The following CEP128 variants were observed in gnomAD, a reference collection of about 807,000 sequenced individuals.
CEP128 encodes the protein centrosomal protein 128, also known as centrosomal protein 128kDa.
Under a neutral mutation model 156.7 loss-of-function variants are expected in CEP128, and 132 were observed. The observed-to-expected ratio is 0.84, with a 90% CI of 0.73 to 0.97. The LOEUF (loss-of-function observed/expected upper bound fraction) is 0.97, where lower values mean the gene tolerates loss of function less well. CEP128 is among the 50% of genes least tolerant of loss of function. The pLI, the probability that CEP128 is intolerant of heterozygous loss-of-function variation, is 0.00. For missense variants in CEP128, 1,252 were observed against 1,281.9 expected, an observed-to-expected ratio of 0.98 and a Z score of 0.36; for synonymous variants, 469 against 448.9, an observed-to-expected ratio of 1.04 and a Z score of -0.57.
At chr14:80,936,256 C>A (rs907597645) in intron 2 of CEP128, among the ~76,000 whole-genome samples, 1 of 152,152 alleles carries the variant, frequency 6.6e-6, no homozygotes, top group Non-Finnish European at 1.5e-5. Context: ...GTGGCTCAGG[C>A]CTGCAATCAC....
chr14:80,531,014 A>C, intron 21 of CEP128, 128 bp from the exon 22 acceptor site: 1 of 445,704 alleles, frequency 2.2e-6, no homozygotes, highest in South Asian at 6.0e-5. Context: ...ACAGTCAAAT[A>C]AGAACATATA....
chr14:80,618,441 A>T (rs1473317585), intron 19 of CEP128, among the ~76,000 whole-genome samples: 1 of 152,264 alleles, frequency 6.6e-6, no homozygotes, highest in Non-Finnish European at 1.5e-5. Flanking sequence ...TAGCTACGCT[A>T]GAAGCCTTCT....
At chr14:80,772,595 G>A (rs753430412) in intron 16 of CEP128, among the ~76,000 whole-genome samples, 8 of 152,292 alleles carry the variant, frequency 5.3e-5, no homozygotes, top group East Asian at 1.9e-4. Context: ...AGATGGCAAG[G>A]CTAAAAGAGT....
intron 8 of CEP128, among the ~76,000 whole-genome samples, chr14:80,866,257 C>T (rs1394530067): frequency 6.6e-6 from 1 of 152,096 alleles, no homozygotes; most frequent in African/African-American, 2.4e-5. Context: ...CTAGTCTCAC[C>T]ACAGTGCCAG....
At chr14:80,589,258 C>T (rs1256506736) in intron 19 of CEP128, among the ~76,000 whole-genome samples, 1 of 152,046 alleles carries the variant, frequency 6.6e-6, no homozygotes, top group East Asian at 1.9e-4. Context: ...TCATTCCTGA[C>T]CTCCAGAGGT....
At chr14:80,683,207 C>T (rs1034092112) in intron 19 of CEP128, among the ~76,000 whole-genome samples, 5 of 152,126 alleles carry the variant, frequency 3.3e-5, no homozygotes, top group African/African-American at 9.7e-5. Context: ...CATCCATCTG[C>T]TCTTTTCAAC....
intron 14 of CEP128, among the ~76,000 whole-genome samples, chr14:80,788,065 T>C (rs1901505100): frequency 6.6e-6 from 1 of 152,130 alleles, no homozygotes; most frequent in African/African-American, 2.4e-5. Context: ...TCTTTGGCAA[T>C]ACAGATACTA....
At chr14:80,898,767 G>C (rs1171367340) in intron 7 of CEP128, among the ~76,000 whole-genome samples, 1 of 152,064 alleles carries the variant, frequency 6.6e-6, no homozygotes, top group African/African-American at 2.4e-5. Context: ...AATTAACTAA[G>C]TCTTACCAGT....
intron 24 of CEP128, among the ~76,000 whole-genome samples, chr14:80,499,597 A>G (rs1187459171): frequency 1.3e-5 from 2 of 152,200 alleles, no homozygotes; most frequent in African/African-American, 4.8e-5. Flanking sequence ...ATTTACAGGA[A>G]ATTTACAATC....
chr14:80,688,870 C>T (rs1896613995), intron 19 of CEP128, among the ~76,000 whole-genome samples: 1 of 152,110 alleles, frequency 6.6e-6, no homozygotes, highest in African/African-American at 2.4e-5. Flanking sequence ...CATTCCCTTA[C>T]CATCAAGTCT....
At chr14:80,851,643 A>G (rs1019986953) in intron 9 of CEP128, among the ~76,000 whole-genome samples, 2 of 152,018 alleles carry the variant, frequency 1.3e-5, no homozygotes, top group African/African-American at 4.8e-5. Flanking sequence ...AAACAAAAAG[A>G]GAAGTTAAAA....
intron 19 of CEP128, among the ~76,000 whole-genome samples, chr14:80,741,090 C>T (rs1325525813): frequency 3.3e-5 from 5 of 152,104 alleles, no homozygotes; most frequent in Non-Finnish European, 5.9e-5. Flanking sequence ...ACTACAACCA[C>T]CCAGTGCCTG....
chr14:80,892,701 A>G (rs1889158710), intron 8 of CEP128, among the ~76,000 whole-genome samples: 1 of 123,914 alleles, frequency 8.1e-6, no homozygotes, highest in Non-Finnish European at 1.8e-5. Flanking sequence ...ACTCAATAGT[A>G]GAAAAACAAA....
At chr14:80,889,999 T>C (rs371274426) in intron 8 of CEP128, among the ~76,000 whole-genome samples, 2 of 152,098 alleles carry the variant, frequency 1.3e-5, no homozygotes, top group African/African-American at 4.8e-5. Flanking sequence ...AAAGAAGGCA[T>C]TTATGTGGTC....
intron 16 of CEP128, among the ~76,000 whole-genome samples, chr14:80,776,539 A>C (rs564067339): frequency 2.7e-5 from 4 of 147,812 alleles, no homozygotes; most frequent in Non-Finnish European, 6.0e-5. Flanking sequence ...AATATATATT[A>C]ATTATATATA....
At chr14:80,484,122 G>A (rs908509896) in intron 14 of CEP128, among the ~76,000 whole-genome samples, 1 of 151,934 alleles carries the variant, frequency 6.6e-6, no homozygotes, top group Non-Finnish European at 1.5e-5. Flanking sequence ...GACTACAGGC[G>A]TGCACCACCA....
At chr14:80,742,346 T>C (rs544912597) in intron 19 of CEP128, among the ~76,000 whole-genome samples, 10 of 152,304 alleles carry the variant, frequency 6.6e-5, no homozygotes, top group Admixed American at 6.5e-4. Flanking sequence ...TCGAATCTCC[T>C]GTGAGTCCTC....
intron 20 of CEP128, among the ~76,000 whole-genome samples, chr14:80,566,809 A>T (rs990905106): frequency 9.9e-5 from 15 of 152,164 alleles, no homozygotes; most frequent in African/African-American, 3.6e-4. Flanking sequence ...TGCCTTTTCA[A>T]ACAACCTACT....
At chr14:80,488,872 A>T (rs916736965), downstream of CEP128, among the ~76,000 whole-genome samples, 9 of 151,902 alleles carry the variant, frequency 5.9e-5, no homozygotes, top group Non-Finnish European at 1.2e-4. Flanking sequence ...TTCTCAGCAA[A>T]CTATCACAAG....
Sources: allele counts gnomAD v4.1 joint callset (sites outside exome capture counted in the v4.1 genomes callset), GRCh38; gene constraint gnomAD v4.1.1; transcripts MANE v1.5; gene names NCBI Gene and HGNC (gene_info 2026-07-23, HGNC 2026-07-21).